The following CPSF2 variants were observed in gnomAD, a reference collection of about 807,000 sequenced individuals.
CPSF2 encodes cleavage and polyadenylation specific factor 2.
Under a neutral mutation model 84.2 loss-of-function variants are expected in CPSF2, and 51 were observed. The ratio of observed to expected loss-of-function variants is 0.61; its 90% confidence interval spans 0.48 to 0.77. CPSF2 has a LOEUF of 0.77. Among genes scored for constraint, CPSF2 ranks in the 30% least tolerant of loss-of-function variants. The pLI, the probability that CPSF2 is intolerant of heterozygous loss-of-function variation, is 0.00. For missense variants in CPSF2, 641 were observed against 929.4 expected, an observed-to-expected ratio of 0.69 and a Z score of 4.03; for synonymous variants, 286 against 311.9, an observed-to-expected ratio of 0.92 and a Z score of 0.87.
chr14:92,129,713 ATATTT>A (rs1197275786), intron 2 of CPSF2, among the ~76,000 whole-genome samples: 2 of 152,054 alleles, frequency 1.3e-5, no homozygotes, highest in Non-Finnish European at 2.9e-5. Flanking sequence ...AAAAATGTAT[ATATTT>A]TATTTTATTT....
In CPSF2 at chr14:92,165,504, ATT is replaced by A. The variant is rs1411553991; in HGVS notation, c.*3762_*3763del. ...GAAGAAGTGTCTCACTGAGGTTTTG[ATT>A]TGCATTTCCTTAATGACTGATGATG... On this transcript the variant is annotated 3_prime_UTR_variant, in exon 16 of 16. Transcript: ENST00000298875. 6.6e-6 allele frequency: 1 copy of A among 151,986 alleles called. No individual in the cohort carries two copies. Among genetic ancestry groups the A allele is most frequent in the Non-Finnish European group, 1.5e-5 (1 of 68,002 alleles). 9.4% of individuals were successfully genotyped at this position (151,986 alleles called of 1,614,324 possible).
intron 6 of CPSF2, 58 bp from the exon 7 acceptor site, chr14:92,138,174 G>A (rs2069025008): frequency 1.2e-6 from 1 of 829,800 alleles, no homozygotes; most frequent in South Asian, 1.8e-5. Context: ...AGTAAGAGAA[G>A]CTATTATTGT....
chr14:92,137,338 T>C (rs890947120), intron 6 of CPSF2, among the ~76,000 whole-genome samples: 1 of 152,060 alleles, frequency 6.6e-6, no homozygotes, highest in African/African-American at 2.4e-5. Flanking sequence ...GCCTCCCAAG[T>C]AGCTAGGACT....
At chr14:92,133,963 A>G (rs2068967566) in intron 3 of CPSF2, 48 bp from the exon 4 acceptor site, 1 of 1,593,050 alleles carries the variant, frequency 6.3e-7, no homozygotes, top group Non-Finnish European at 8.6e-7. Context: ...TTCTGTCTTT[A>G]CCCTTAAAAA....
intron 9 of CPSF2, among the ~76,000 whole-genome samples, chr14:92,146,486 A>C (rs2069145902): frequency 6.6e-6 from 1 of 152,182 alleles, no homozygotes; most frequent in Admixed American, 6.5e-5. Context: ...GCGCCACTGC[A>C]CTCCAACCTG....
chr14:92,148,825 A>T (rs1012141521), intron 9 of CPSF2, among the ~76,000 whole-genome samples: 2 of 151,372 alleles, frequency 1.3e-5, no homozygotes, highest in African/African-American at 4.8e-5. Flanking sequence ...AGAGAGAGAG[A>T]TGGGACCAAA....
rs763407089 is a variant in CPSF2 at position 92,143,151 on chromosome 14, C to G, written c.997C>G (p.Leu333Val). 6.2e-7 allele frequency: 1 copy of G among 1,614,092 alleles called. No homozygotes were observed. Among genetic ancestry groups the G allele is most frequent in the South Asian group, 1.1e-5 (1 of 91,076 alleles). ...PKVVLASQPD[L>V]ECGFSRDLFI... ...AGTTGTACTTGCCAGCCAACCTGACCTGGAATGCGGATTTTCAAGGGATCT... is the reference window on the plus strand; with the variant it reads ...AGTTGTACTTGCCAGCCAACCTGACGTGGAATGCGGATTTTCAAGGGATCT... Residue 333 changes from leucine (L) to valine (V), a missense_variant, in exon 9 of 16, where the codon CTG (leucine) becomes GTG (valine). By Grantham distance (32) the Leu-to-Val change is conservative. Coordinates refer to ENST00000298875, the MANE Select transcript of CPSF2 (RefSeq NM_017437.3).
At chr14:92,153,599 G>A (rs2069248972) in intron 9 of CPSF2, among the ~76,000 whole-genome samples, 1 of 151,940 alleles carries the variant, frequency 6.6e-6, no homozygotes, top group Non-Finnish European at 1.5e-5. Flanking sequence ...GGTTGATTGA[G>A]ACAGGGTCTT....
rs1368388464 is a variant in CPSF2 at position 92,162,306 on chromosome 14, T to A, written c.*562T>A. On this transcript the variant is annotated 3_prime_UTR_variant, in exon 16 of 16. Transcript: ENST00000298875. ...CTGCCTGTATTTCCCAGTGATTTAC[T>A]CTAGGGTAAGGTAGTACACATTTGG... The A allele has an allele frequency of 1.3e-5, 2 of 152,654 alleles. No individual in the cohort carries two copies. Among genetic ancestry groups the A allele is most frequent in the Non-Finnish European group, 2.9e-5 (2 of 68,040 alleles). The allele number at this position is 152,654 out of a possible 1,614,324, so 9.5% of individuals were successfully genotyped here. A position where few individuals can be genotyped will look rare whatever the true frequency, so the allele number is the denominator to read the frequency against.
intron 7 of CPSF2, among the ~76,000 whole-genome samples, chr14:92,140,573 C>T (rs1420418915): frequency 6.6e-6 from 1 of 151,412 alleles, no homozygotes; most frequent in African/African-American, 2.4e-5. Context: ...GCTGGGATTA[C>T]AGGCGTGTGC....
chr14:92,131,220 C>G (rs887913035), intron 3 of CPSF2, 87 bp downstream of exon 3: 3 of 1,017,106 alleles, frequency 2.9e-6, no homozygotes, highest in Non-Finnish European at 4.2e-6. Flanking sequence ...ATAAATACTG[C>G]CTTTTTACAC....
At position 92,134,071 on chromosome 14, in the gene CPSF2, C is replaced by T; in HGVS notation, c.210C>T (p.Ala70=). The T allele has an allele frequency of 6.8e-6, 11 of 1,614,112 alleles. No homozygotes were observed. Among genetic ancestry groups the T allele is most frequent in the Non-Finnish European group, 9.3e-6 (11 of 1,180,014 alleles). ...LSHPDPLHLG[A]LPYAVGKLGL... is the part of the protein sequence containing the mutation. Reference sequence around the variant, plus strand: ...ACCCTGATCCTCTCCACCTTGGTGCCCTCCCGTATGCTGTCGGAAAGTTGG... The same window carrying T: ...ACCCTGATCCTCTCCACCTTGGTGCTCTCCCGTATGCTGTCGGAAAGTTGG... Residue 70 remains alanine (A), a synonymous_variant, in exon 4 of 16, where the codon GCC becomes GCT. Coordinates refer to ENST00000298875, the MANE Select transcript of CPSF2 (RefSeq NM_017437.3).
In CPSF2 at chr14:92,166,997, A is replaced by G. The variant is rs909943227; in HGVS notation, c.*5253A>G. The G allele has an allele frequency of 3.5e-5, 5 of 143,762 alleles. No individual in the cohort carries two copies. The highest frequency in any genetic ancestry group is 3.0e-5 in the Non-Finnish European group (2 of 66,736). 8.9% of individuals were successfully genotyped at this position (143,762 alleles called of 1,614,324 possible). A position where few individuals can be genotyped will look rare whatever the true frequency, so the allele number is the denominator to read the frequency against. ...TTTCATGTGAGTTTAGATTCTGCTT[A>G]TCGATTTCTTTTTTTTCTTTTTTTT... On this transcript the variant is annotated 3_prime_UTR_variant, in exon 16 of 16. Transcript: ENST00000298875.
At position 92,165,952 on chromosome 14, in the gene CPSF2, C is replaced by A. The variant is rs1239918653; in HGVS notation, c.*4208C>A. 6.9e-6 allele frequency: 1 copy of A among 144,422 alleles called. No homozygotes were observed. Among genetic ancestry groups the A allele is most frequent in the Admixed American group, 7.2e-5 (1 of 13,850 alleles). The allele number at this position is 144,422 out of a possible 1,614,324, so 8.9% of individuals were successfully genotyped here. On this transcript the variant is annotated 3_prime_UTR_variant, in exon 16 of 16. Coordinates refer to ENST00000298875, the MANE Select transcript of CPSF2 (RefSeq NM_017437.3). Reference sequence around the variant, plus strand: ...TCTCAGCTCACTGCAACCTCTGCCTCCCAGATTAAAGGGATTCTCCTGCCT... The same window carrying A: ...TCTCAGCTCACTGCAACCTCTGCCTACCAGATTAAAGGGATTCTCCTGCCT...
chr14:92,166,162 T>C lies in CPSF2; in HGVS notation c.*4418T>C, dbSNP rs1471693274. Reference sequence around the variant, plus strand: ...CAGGTGTGAGCCACCTTGCCTGGCCTTGGTTTTATATCTTAAAAGCTATTC... The same window carrying C: ...CAGGTGTGAGCCACCTTGCCTGGCCCTGGTTTTATATCTTAAAAGCTATTC... On this transcript the variant is annotated 3_prime_UTR_variant, in exon 16 of 16. Coordinates refer to ENST00000298875, the MANE Select transcript of CPSF2 (RefSeq NM_017437.3). The C allele has an allele frequency of 1.3e-5, 2 of 151,936 alleles. No individual in the cohort carries two copies. Among genetic ancestry groups the C allele is most frequent in the African/African-American group, 4.8e-5 (2 of 41,356 alleles). The allele number at this position is 151,936 out of a possible 1,614,324, so 9.4% of individuals were successfully genotyped here.
At chr14:92,140,530 T>C (rs150915949) in intron 7 of CPSF2, among the ~76,000 whole-genome samples, 1,908 of 150,708 alleles carry the variant, frequency 0.013, 61 homozygotes, top group East Asian at 0.12. Flanking sequence ...CCTCCTGGGT[T>C]CAGGTGGTTC....
intron 3 of CPSF2, 99 bp downstream of exon 3, chr14:92,131,232 A>G: frequency 1.1e-6 from 1 of 904,534 alleles, no homozygotes; most frequent in Non-Finnish European, 1.6e-6. Context: ...TTTTTACACT[A>G]GTTTATAGCA....
Position 92,130,946 on chromosome 14 carries a change from G to A in CPSF2, c.-34-5G>A. 4 of 1,564,036 alleles carry A rather than the reference G, an allele frequency of 2.6e-6. No homozygotes were observed. The highest frequency in any genetic ancestry group is 3.5e-6 in the Non-Finnish European group (4 of 1,152,980). On this transcript the variant is annotated splice_polypyrimidine_tract_variant and splice_region_variant and intron_variant, in intron 2 of 15. Transcript: ENST00000298875. ...GTTTAATTATGTTTTCATTTCATTT[G>A]AAAGACTCTTCTAGCTTGCTGTTTC... is the stretch of plus-strand genomic sequence containing the variant.
In CPSF2 at chr14:92,165,313, T is replaced by A. The variant is rs904976395; in HGVS notation, c.*3569T>A. 1 of 152,108 alleles carries A rather than the reference T, an allele frequency of 6.6e-6. No individual in the cohort carries two copies. Among genetic ancestry groups the A allele is most frequent in the Non-Finnish European group, 1.5e-5 (1 of 68,034 alleles). The allele number at this position is 152,108 out of a possible 1,614,324, so 9.4% of individuals were successfully genotyped here. On this transcript the variant is annotated 3_prime_UTR_variant, in exon 16 of 16. Coordinates refer to ENST00000298875, the MANE Select transcript of CPSF2 (RefSeq NM_017437.3). ...ATATCTAAGAATTAGAATTGCTGGA[T>A]CATACAGTAATTCTGCTTAACCTTT... is the stretch of plus-strand genomic sequence containing the variant.
Sources: allele counts gnomAD v4.1 joint callset (sites outside exome capture counted in the v4.1 genomes callset), GRCh38; gene constraint gnomAD v4.1.1; transcripts MANE v1.5; gene names NCBI Gene and HGNC (gene_info 2026-07-23, HGNC 2026-07-21).